The following SPTSSB variants were observed in gnomAD, a reference collection of about 807,000 sequenced individuals.
SPTSSB encodes serine palmitoyltransferase small subunit B.
Under a neutral mutation model 7.7 loss-of-function variants are expected in SPTSSB, and 6 were observed. That is an observed-to-expected ratio of 0.78 (90% CI 0.43 to 1.54). The LOEUF (loss-of-function observed/expected upper bound fraction) is 1.54. Among genes scored for constraint, SPTSSB ranks in the 40% most tolerant of loss-of-function variants. The pLI is 0.01. For missense variants in SPTSSB, 91 were observed against 93.0 expected, an observed-to-expected ratio of 0.98 and a Z score of 0.09; for synonymous variants, 28 against 29.7, an observed-to-expected ratio of 0.94 and a Z score of 0.19.
At chr3:161,364,630 G>A (rs1485422124) in intron 1 of SPTSSB, among the ~76,000 whole-genome samples, 2 of 151,544 alleles carry the variant, frequency 1.3e-5, no homozygotes, top group East Asian at 3.9e-4. Context: ...AACACCCTTA[G>A]GTTTAGATAA....
rs1247337042 is a variant in SPTSSB, at chr3:161,369,342, TTCTTTCTTTC to T, written c.-126+2083_-126+2092del. On this transcript the variant is annotated intron_variant, in intron 1 of 2. Transcript: ENST00000620149. Reference sequence around the variant, plus strand: ...TTTCTTTCTTTCTTTCTTTCTTTCTTTCTTTCTTTCTCTTTCTTTCTCTCTCTGTCTCTCT... The same window carrying T: ...TTTCTTTCTTTCTTTCTTTCTTTCTTTCTTTCTTTCTCTCTCTGTCTCTCT... 7.8e-3 allele frequency among the ~76,000 whole-genome samples: 799 copies of T among 102,598 alleles called. 10 individuals carry two copies. The highest frequency in any genetic ancestry group is 0.022 in the South Asian group (57 of 2,588). 67.3% of individuals were successfully genotyped at this position (102,598 alleles called of 152,430 possible).
chr3:161,368,917 TATC>T (rs1349020352), intron 1 of SPTSSB, among the ~76,000 whole-genome samples: 1 of 152,286 alleles, frequency 6.6e-6, no homozygotes, highest in Non-Finnish European at 1.5e-5. Flanking sequence ...AATAATATTT[TATC>T]ATTTCATTCC....
intron 2 of SPTSSB, among the ~76,000 whole-genome samples, chr3:161,359,076 A>T (rs146479579): frequency 6.6e-6 from 1 of 152,164 alleles, no homozygotes; most frequent in African/African-American, 2.4e-5. Context: ...TATAGATTGA[A>T]TAAAAGTGGA....
At chr3:161,369,915 T>A (rs1019171654) in intron 1 of SPTSSB, among the ~76,000 whole-genome samples, 10 of 152,210 alleles carry the variant, frequency 6.6e-5, no homozygotes, top group African/African-American at 1.7e-4. Context: ...GAATAAATAT[T>A]TTCTTCGTGC....
At chr3:161,360,292 A>G (rs336591) in intron 1 of SPTSSB, among the ~76,000 whole-genome samples, 93,261 of 152,054 alleles carry the variant, frequency 0.61, 29,852 homozygotes, top group East Asian at 0.97. Context: ...GACTTTATTA[A>G]TCTCTCTGAA....
chr3:161,346,387 G>T, intron 2 of SPTSSB, 32 bp from the exon 3 acceptor site: 1 of 1,115,790 alleles, frequency 9.0e-7, no homozygotes, highest in East Asian at 2.4e-5. Context: ...TAGAGGATGA[G>T]GAACCAAACA....
chr3:161,369,300 TTCTTTCTTTCTTTC>T (rs772370944), intron 1 of SPTSSB, among the ~76,000 whole-genome samples: 3,332 of 64,590 alleles, frequency 0.052, 104 homozygotes, highest in African/African-American at 0.12. Flanking sequence ...CTTTCTTTCT[TTCTTTCTTTCTTTC>T]TCTTTCTTTC....
rs1167319431 is a variant in SPTSSB, at chr3:161,371,441, G to C, written c.-132C>G. On this transcript the variant is annotated 5_prime_UTR_variant, in exon 1 of 3. Coordinates refer to ENST00000620149, the MANE Select transcript of SPTSSB (RefSeq NM_001040100.2). The stretch of plus-strand genomic sequence containing the variant: ...TATTTTGGAAGATGCTTACCTCCCA[G>C]TTGGGTGTATCTCCCTGCGGCTTAG... 11 of 985,324 alleles carry C rather than the reference G, an allele frequency of 1.1e-5. No homozygotes were observed. Among genetic ancestry groups the C allele is most frequent in the Non-Finnish European group, 1.3e-5 (11 of 829,962 alleles). The allele number at this position is 985,324 out of a possible 1,614,324, so 61.0% of individuals were successfully genotyped here. A position where few individuals can be genotyped will look rare whatever the true frequency, so the allele number is the denominator to read the frequency against.
At chr3:161,347,572 T>A (rs1335273557) in intron 2 of SPTSSB, among the ~76,000 whole-genome samples, 1 of 152,128 alleles carries the variant, frequency 6.6e-6, no homozygotes, top group Non-Finnish European at 1.5e-5. Context: ...TTGTTGTGGC[T>A]TTTACAAATG....
chr3:161,346,362 A>C lies in SPTSSB; in HGVS notation c.-32-7T>G. ...AAGCTGCAGTAAGTTTGTCCTGTTA[A>C]AGAATGTAACAGATTAGAGGATGAG... On this transcript the variant is annotated splice_polypyrimidine_tract_variant and splice_region_variant and intron_variant, in intron 2 of 2. Transcript: ENST00000620149. 1.4e-6 allele frequency: 2 copies of C among 1,401,338 alleles called. No homozygotes were observed. Among genetic ancestry groups the C allele is most frequent in the Non-Finnish European group, 1.0e-6 (1 of 986,470 alleles). 86.8% of individuals were successfully genotyped at this position (1,401,338 alleles called of 1,614,324 possible).
chr3:161,346,109 C>CTG lies in SPTSSB; in HGVS notation c.213_214dup (p.Ser72ThrfsTer13). 6.4e-7 allele frequency: 1 copy of CTG among 1,564,516 alleles called. No homozygotes were observed. On this transcript the variant is annotated frameshift_variant, in exon 3 of 3. Coordinates refer to ENST00000620149, the MANE Select transcript of SPTSSB (RefSeq NM_001040100.2). LOFTEE classifies it high-confidence loss of function. Reference sequence around the variant, plus strand: ...TGAACAGGATCAATTAGAAATTGTACTGTGATATCCACATATTTTTGAGAA... The same window carrying CTG: ...TGAACAGGATCAATTAGAAATTGTACTGTGTGATATCCACATATTTTTGAGAA...
intron 1 of SPTSSB, among the ~76,000 whole-genome samples, chr3:161,362,738 G>C (rs1715060464): frequency 6.6e-6 from 1 of 151,870 alleles, no homozygotes; most frequent in Non-Finnish European, 1.5e-5. Context: ...GAGGAACTGG[G>C]GCTATTTAAC....
chr3:161,359,129 T>A (rs1053744458), intron 2 of SPTSSB, among the ~76,000 whole-genome samples: 1 of 152,182 alleles, frequency 6.6e-6, no homozygotes, highest in African/African-American at 2.4e-5. Context: ...GTAATTCTAT[T>A]TCCTTTTCTT....
intron 1 of SPTSSB, among the ~76,000 whole-genome samples, chr3:161,369,515 A>G (rs1395873016): frequency 6.7e-6 from 1 of 149,972 alleles, no homozygotes; most frequent in Non-Finnish European, 1.5e-5. Flanking sequence ...TCATGTGTAA[A>G]TTGGCTGTTT....
intron 2 of SPTSSB, among the ~76,000 whole-genome samples, chr3:161,353,236 C>T (rs1714622428): frequency 6.6e-6 from 1 of 152,114 alleles, no homozygotes; most frequent in Non-Finnish European, 1.5e-5. Flanking sequence ...ATATTCACAG[C>T]AACTGTAGTG....
intron 1 of SPTSSB, among the ~76,000 whole-genome samples, chr3:161,370,871 T>G (rs1715478382): frequency 6.6e-6 from 1 of 152,262 alleles, no homozygotes; most frequent in African/African-American, 2.4e-5. Flanking sequence ...GCTGGCTGTC[T>G]TTTGGTGAAG....
At chr3:161,369,482 A>G (rs1320438426) in intron 1 of SPTSSB, among the ~76,000 whole-genome samples, 2 of 142,106 alleles carry the variant, frequency 1.4e-5, no homozygotes, top group East Asian at 4.1e-4. Flanking sequence ...TTCCCCAACC[A>G]CTAATGGCTA....
At chr3:161,358,767 A>G (rs186459241) in intron 2 of SPTSSB, among the ~76,000 whole-genome samples, 19 of 152,346 alleles carry the variant, frequency 1.2e-4, no homozygotes, top group Admixed American at 5.2e-4. Flanking sequence ...AGCAACCTCA[A>G]TGGCACCTGT....
Position 161,359,885 on chromosome 3 carries a change from G to T in SPTSSB, c.-116C>A. 4.2e-6 allele frequency: 3 copies of T among 709,584 alleles called. No homozygotes were observed. The highest frequency in any genetic ancestry group is 6.4e-5 in the South Asian group (1 of 15,732). 44.0% of individuals were successfully genotyped at this position (709,584 alleles called of 1,614,324 possible). ...GGTTAGTTCTCCTCTCTGGGTTGCT[G>T]TTTCCTCATCTGCAAAATAAAGATT... On this transcript the variant is annotated 5_prime_UTR_variant, in exon 2 of 3. Transcript: ENST00000620149.
Sources: gnomAD v4.1 joint callset for allele counts (sites outside exome capture counted in the v4.1 genomes callset) on GRCh38, gnomAD v4.1.1 for gene constraint, MANE v1.5 for transcripts, NCBI Gene and HGNC (gene_info 2026-07-23, HGNC 2026-07-21) for gene names.